SCUBE1: variants seen among roughly 807,000 people sequenced by gnomAD.
SCUBE1 encodes signal peptide, CUB and EGF-like domain-containing protein 1.
SCUBE1 carries 59 observed loss-of-function variants against 124.4 expected under a neutral mutation model. That is an observed-to-expected ratio of 0.47 (90% CI 0.38 to 0.59). The LOEUF (loss-of-function observed/expected upper bound fraction) is 0.59. Ranked by LOEUF, SCUBE1 falls within the 20% of genes least tolerant of loss-of-function variation. SCUBE1 has a pLI of 0.00. For missense variants in SCUBE1, 1,150 were observed against 1,371.2 expected (o/e 0.84, Z 2.55); for synonymous variants, 545 against 550.9 (o/e 0.99, Z 0.15).
intron 4 of SCUBE1, among the ~76,000 whole-genome samples, chr22:43,273,034 A>G (rs1435888081): frequency 3.3e-5 from 5 of 152,224 alleles, no homozygotes; most frequent in Non-Finnish European, 7.3e-5. Context: ...TTGACCTTTC[A>G]GCTCACGCAT....
chr22:43,229,055 G>C lies in SCUBE1; in HGVS notation c.1084+17C>G, dbSNP rs1176838737. 3 of 1,578,090 alleles carry C rather than the reference G, an allele frequency of 1.9e-6. No homozygotes were observed. The highest frequency in any genetic ancestry group is 2.6e-6 in the Non-Finnish European group (3 of 1,151,632). ...GTGCCTCGGGGGGGAGGTGGCCCTG[G>C]CGGGCAGGCTGCAGACCTCCGCAGT... is the stretch of plus-strand genomic sequence containing the variant. On this transcript the variant is annotated intron_variant, in intron 9 of 21. Coordinates refer to ENST00000360835, the MANE Select transcript of SCUBE1 (RefSeq NM_173050.5).
At chr22:43,224,126 A>C (rs1224810213) in intron 10 of SCUBE1, among the ~76,000 whole-genome samples, 7 of 152,228 alleles carry the variant, frequency 4.6e-5, no homozygotes, top group African/African-American at 1.7e-4. Flanking sequence ...GTAATTCTGG[A>C]GGTTCCTCCA....
chr22:43,314,922 G>C (rs977141114), intron 3 of SCUBE1, among the ~76,000 whole-genome samples: 2 of 152,212 alleles, frequency 1.3e-5, no homozygotes, highest in African/African-American at 4.8e-5. Context: ...TTTTAGCCAT[G>C]TGGGATAGGG....
chr22:43,256,687 T>C (rs1923672692), intron 6 of SCUBE1, among the ~76,000 whole-genome samples: 1 of 152,242 alleles, frequency 6.6e-6, no homozygotes, highest in Non-Finnish European at 1.5e-5. Flanking sequence ...TGGGTGCGTC[T>C]GGCCTGGCAG....
chr22:43,322,971 A>G (rs1401100710), intron 2 of SCUBE1, among the ~76,000 whole-genome samples: 1 of 152,222 alleles, frequency 6.6e-6, no homozygotes, highest in Non-Finnish European at 1.5e-5. Flanking sequence ...TAAAGTGCAG[A>G]GAAGTTAGAT....
chr22:43,204,204 G>A, intron 21 of SCUBE1, 55 bp from the exon 22 acceptor site: 1 of 1,561,522 alleles, frequency 6.4e-7, no homozygotes, highest in Middle Eastern at 1.7e-4. Context: ...TAGGGTCTGT[G>A]GGGTGTTGCC....
intron 4 of SCUBE1, among the ~76,000 whole-genome samples, chr22:43,274,025 G>A (rs1006985945): frequency 1.8e-4 from 27 of 151,504 alleles, no homozygotes; most frequent in Admixed American, 5.9e-4. Flanking sequence ...GCCCTGCCTC[G>A]TTTCTTCCCC....
At chr22:43,301,168 G>A (rs902856106) in intron 3 of SCUBE1, among the ~76,000 whole-genome samples, 3 of 152,126 alleles carry the variant, frequency 2.0e-5, no homozygotes, top group Non-Finnish European at 2.9e-5. Context: ...AATTCACCAC[G>A]AGTACAACAC....
intron 3 of SCUBE1, among the ~76,000 whole-genome samples, chr22:43,318,733 A>AT (rs995411211): frequency 6.6e-6 from 1 of 151,922 alleles, no homozygotes; most frequent in African/African-American, 2.4e-5. Flanking sequence ...TCTTGTAATT[A>AT]TTTTTTTGTT....
chr22:43,319,314 C>A (rs1451104317), intron 3 of SCUBE1, among the ~76,000 whole-genome samples: 1 of 152,064 alleles, frequency 6.6e-6, no homozygotes, highest in African/African-American at 2.4e-5. Flanking sequence ...CGCCTGTTAT[C>A]CCAGCACTTT....
intron 4 of SCUBE1, among the ~76,000 whole-genome samples, chr22:43,287,872 C>A (rs1327701191): frequency 6.6e-6 from 1 of 152,160 alleles, no homozygotes; most frequent in East Asian, 1.9e-4. Flanking sequence ...GCAATTGTCA[C>A]AACAGACTGA....
chr22:43,207,955 C>A, intron 20 of SCUBE1, 117 bp downstream of exon 20: 1 of 1,180,550 alleles, frequency 8.5e-7, no homozygotes, highest in Non-Finnish European at 1.2e-6. Context: ...GTTCTGCTTC[C>A]AGGTCTGTAC....
chr22:43,290,883 C>A (rs1047939416), intron 4 of SCUBE1, among the ~76,000 whole-genome samples, 163 bp downstream of exon 4: 3 of 152,202 alleles, frequency 2.0e-5, no homozygotes, highest in African/African-American at 7.2e-5. Flanking sequence ...TGGAAGGAGG[C>A]CCATGCAGAA....
At chr22:43,232,556 TC>T in intron 7 of SCUBE1, 1 of 152,344 alleles carries the variant, frequency 6.6e-6, no homozygotes, top group Non-Finnish European at 1.5e-5. Flanking sequence ...GGCCTGACGC[TC>T]CCCCCTTTCC....
chr22:43,252,594 C>A (rs530452553), intron 6 of SCUBE1, among the ~76,000 whole-genome samples: 2 of 152,220 alleles, frequency 1.3e-5, no homozygotes, highest in Non-Finnish European at 2.9e-5. Flanking sequence ...CCCTTCTCCC[C>A]TCCCGGAACC....
intron 6 of SCUBE1, among the ~76,000 whole-genome samples, chr22:43,252,495 C>T (rs757254342): frequency 5.3e-5 from 8 of 152,190 alleles, no homozygotes; most frequent in African/African-American, 7.2e-5. Flanking sequence ...TCTGGAGCCA[C>T]GTGGTCCAGG....
intron 21 of SCUBE1, among the ~76,000 whole-genome samples, chr22:43,204,850 A>G (rs1349616324): frequency 6.6e-6 from 1 of 151,752 alleles, no homozygotes; most frequent in Non-Finnish European, 1.5e-5. Flanking sequence ...AGGCTGAGGC[A>G]TGAGAACTGC....
intron 15 of SCUBE1, among the ~76,000 whole-genome samples, chr22:43,217,342 A>C (rs73163951): frequency 0.096 from 13,576 of 141,110 alleles, 1,171 homozygotes; most frequent in East Asian, 0.47. Context: ...CCCACTCTTC[A>C]TCAAGTTTCC....
intron 6 of SCUBE1, among the ~76,000 whole-genome samples, chr22:43,251,627 A>G (rs1450105852): frequency 6.6e-6 from 1 of 152,158 alleles, no homozygotes; most frequent in African/African-American, 2.4e-5. Flanking sequence ...CCGCGGGACA[A>G]GGAACGTGGG....
Sources: gnomAD v4.1 joint callset for allele counts (sites outside exome capture counted in the v4.1 genomes callset) on GRCh38, gnomAD v4.1.1 for gene constraint, MANE v1.5 for transcripts, NCBI Gene and HGNC (gene_info 2026-07-23, HGNC 2026-07-21) for gene names.